Variants in CCDC33 observed in about 807,000 individuals in gnomAD.
CCDC33 encodes coiled-coil domain-containing protein 33.
CCDC33 carries 94 observed loss-of-function variants against 91.9 expected under a neutral mutation model. The observed-to-expected ratio is 1.02, with a 90% CI of 0.87 to 1.21. The LOEUF is 1.21. CCDC33 is among the 50% of genes most tolerant of loss of function. CCDC33 has a pLI of 0.00. For missense variants in CCDC33, 940 were observed against 935.5 expected (o/e 1.00, Z -0.06); for synonymous variants, 396 against 374.5 (o/e 1.06, Z -0.66).
intron 11 of CCDC33, among the ~76,000 whole-genome samples, chr15:74,325,739 T>C (rs755947495): frequency 3.9e-5 from 6 of 152,174 alleles, no homozygotes; most frequent in African/African-American, 1.4e-4. Context: ...ACAGGTGTCA[T>C]TGGATGCAGT....
upstream of CCDC33, among the ~76,000 whole-genome samples, chr15:74,215,930 G>T (rs140924523): frequency 1.1e-4 from 16 of 152,160 alleles, no homozygotes; most frequent in East Asian, 3.1e-3. Context: ...TGGAGGGAGG[G>T]AAAGAAGGGA....
At chr15:74,222,576 C>T (rs1334832554) in intron 2 of CCDC33, among the ~76,000 whole-genome samples, 1 of 150,044 alleles carries the variant, frequency 6.7e-6, no homozygotes, top group Admixed American at 6.6e-5. Flanking sequence ...CCTTTTTTTC[C>T]CCCAAGGGGA....
intron 2 of CCDC33, among the ~76,000 whole-genome samples, chr15:74,259,757 A>T (rs1332390073): frequency 1.3e-5 from 2 of 152,228 alleles, no homozygotes; most frequent in Non-Finnish European, 2.9e-5. Flanking sequence ...ATACGAGGAC[A>T]GTAGAAGACA....
At chr15:74,278,079 G>C (rs1038882094) in intron 7 of CCDC33, among the ~76,000 whole-genome samples, 1 of 152,196 alleles carries the variant, frequency 6.6e-6, no homozygotes, top group Non-Finnish European at 1.5e-5. Context: ...TTCTCTCACC[G>C]GACCTGTTGG....
intron 2 of CCDC33, among the ~76,000 whole-genome samples, chr15:74,219,780 G>A (rs1361596128): frequency 6.6e-6 from 1 of 152,192 alleles, no homozygotes; most frequent in Non-Finnish European, 1.5e-5. Context: ...CCTGCCAAGT[G>A]GGTAAGACTT....
intron 11 of CCDC33, among the ~76,000 whole-genome samples, chr15:74,313,909 A>G (rs1057077351): frequency 6.6e-6 from 1 of 152,146 alleles, no homozygotes; most frequent in East Asian, 1.9e-4. Flanking sequence ...CTTACATCCA[A>G]GGTCCCATGA....
intron 11 of CCDC33, among the ~76,000 whole-genome samples, chr15:74,320,256 C>G (rs2060178815): frequency 6.6e-6 from 1 of 152,192 alleles, no homozygotes; most frequent in South Asian, 2.1e-4. Context: ...GACCTGTGTA[C>G]TTTGCTGCCT....
intron 10 of CCDC33, among the ~76,000 whole-genome samples, chr15:74,295,517 C>T (rs1422858760): frequency 1.3e-5 from 2 of 152,080 alleles, no homozygotes; most frequent in Non-Finnish European, 2.9e-5. Context: ...AGGAAGAGAA[C>T]AGCAAATGCA....
intron 2 of CCDC33, among the ~76,000 whole-genome samples, chr15:74,248,384 T>C (rs1007684256): frequency 2.0e-5 from 3 of 152,028 alleles, no homozygotes; most frequent in Non-Finnish European, 4.4e-5. Context: ...CTGCCCCTGT[T>C]TTTTGGTACC....
chr15:74,292,798 C>G (rs368724790), intron 10 of CCDC33, among the ~76,000 whole-genome samples: 11 of 152,238 alleles, frequency 7.2e-5, no homozygotes, highest in African/African-American at 2.6e-4. Context: ...GGAAGGGTGG[C>G]TGGAGCAGGA....
chr15:74,260,781 C>T (rs1000672013), intron 2 of CCDC33, among the ~76,000 whole-genome samples: 7 of 152,276 alleles, frequency 4.6e-5, no homozygotes, highest in East Asian at 1.9e-4. Flanking sequence ...GGAAAAATCA[C>T]GCCACGGCAA....
At chr15:74,287,737 C>T (rs1426700563) in intron 10 of CCDC33, among the ~76,000 whole-genome samples, 3 of 151,766 alleles carry the variant, frequency 2.0e-5, no homozygotes, top group Admixed American at 1.3e-4. Context: ...TGCAGTGAGC[C>T]GAGATCACAC....
At chr15:74,209,927 C>T (rs2074344832) in intron 2 of CCDC33, among the ~76,000 whole-genome samples, 1 of 152,106 alleles carries the variant, frequency 6.6e-6, no homozygotes, top group Non-Finnish European at 1.5e-5. Flanking sequence ...AAAGGGAGTG[C>T]CATCTATAAA....
chr15:74,301,123 A>G (rs191930603), intron 11 of CCDC33: 1 of 152,336 alleles, frequency 6.6e-6, no homozygotes, highest in East Asian at 1.9e-4. Flanking sequence ...GTTAAGGTTC[A>G]TCCTGAACAT....
chr15:74,309,969 G>A (rs1280703598), intron 11 of CCDC33, among the ~76,000 whole-genome samples: 2 of 151,940 alleles, frequency 1.3e-5, no homozygotes, highest in East Asian at 1.9e-4. Flanking sequence ...GTAACATAGC[G>A]AGATGCCGTC....
At chr15:74,239,777 T>TC (rs1401832023) in intron 1 of CCDC33, among the ~76,000 whole-genome samples, 16 of 152,112 alleles carry the variant, frequency 1.1e-4, no homozygotes, top group African/African-American at 3.9e-4. Context: ...ATGAATTCCC[T>TC]CCCCAGGGCT....
At chr15:74,272,740 G>C in intron 6 of CCDC33, 31 bp from the exon 7 acceptor site, 1 of 1,611,656 alleles carries the variant, frequency 6.2e-7, no homozygotes, top group African/African-American at 1.3e-5. Context: ...GCAGAGCCCA[G>C]AGCACTGACC....
At chr15:74,308,720 T>C (rs1462423455) in intron 11 of CCDC33, among the ~76,000 whole-genome samples, 2 of 152,162 alleles carry the variant, frequency 1.3e-5, no homozygotes, top group African/African-American at 4.8e-5. Context: ...GCAGAATTTT[T>C]TTCACTCTCA....
At chr15:74,260,866 A>C (rs2076005165) in intron 2 of CCDC33, among the ~76,000 whole-genome samples, 1 of 152,224 alleles carries the variant, frequency 6.6e-6, no homozygotes, top group African/African-American at 2.4e-5. Flanking sequence ...TCATATTTAT[A>C]TTTTAATAAT....
Sources: gnomAD v4.1 joint callset for allele counts (sites outside exome capture counted in the v4.1 genomes callset) on GRCh38, gnomAD v4.1.1 for gene constraint, MANE v1.5 for transcripts, NCBI Gene and HGNC (gene_info 2026-07-23, HGNC 2026-07-21) for gene names.